DARS1: variants seen among roughly 807,000 people sequenced by gnomAD.
DARS1 encodes the protein aspartate--tRNA ligase, cytoplasmic.
Under a neutral mutation model 68.8 loss-of-function variants are expected in DARS1, and 51 were observed. The observed-to-expected ratio is 0.74, with a 90% CI of 0.59 to 0.94. DARS1 has a LOEUF of 0.94. Ranked by LOEUF, DARS1 falls within the 40% of genes least tolerant of loss-of-function variation. The pLI is 0.00. For synonymous variants in DARS1, 203 were observed against 190.4 expected (o/e 1.07, Z -0.55); for missense variants, 607 against 597.3 (o/e 1.02, Z -0.17).
chr2:135,931,247 TA>T (rs1376251843), intron 7 of DARS1, among the ~76,000 whole-genome samples: 1 of 152,228 alleles, frequency 6.6e-6, no homozygotes, highest in African/African-American at 2.4e-5. Context: ...GTTTATTTTT[TA>T]TTTGTTGAGA....
At chr2:135,923,192 C>T (rs1681141291) in intron 8 of DARS1, among the ~76,000 whole-genome samples, 1 of 151,910 alleles carries the variant, frequency 6.6e-6, no homozygotes, top group Non-Finnish European at 1.5e-5. Context: ...TATTAAAGCC[C>T]CTTTGGAGTT....
Position 135,967,875 on chromosome 2 carries a change from T to C in DARS1, c.218-6377A>G, listed in dbSNP as rs531565190. 3.3e-5 allele frequency among the ~76,000 whole-genome samples: 5 copies of C among 152,294 alleles called. No homozygotes were observed. The East Asian group carries it at 7.7e-4, about 23-fold the overall frequency. ...AACGATCCCAAGTAAGTCATATTTA[T>C]TGATATGATTTTTCGTACATAAGAT... On this transcript the variant is annotated intron_variant, in intron 3 of 15. Coordinates refer to ENST00000264161, the MANE Select transcript of DARS1 (RefSeq NM_001349.4).
chr2:135,911,097 T>C (rs539747288), intron 15 of DARS1, 42 bp downstream of exon 15: 2 of 856,414 alleles, frequency 2.3e-6, no homozygotes, highest in Non-Finnish European at 3.9e-6. Flanking sequence ...GTATTATACT[T>C]AGAACTTATG....
At chr2:135,908,062 G>T (rs144597289) in intron 15 of DARS1, among the ~76,000 whole-genome samples, 1 of 151,904 alleles carries the variant, frequency 6.6e-6, no homozygotes, top group Non-Finnish European at 1.5e-5. Context: ...TTCTCCATCC[G>T]GACTCATATT....
At position 135,979,369 on chromosome 2, in the gene DARS1, G is replaced by A; in HGVS notation, c.125-3C>T. The A allele has an allele frequency of 8.7e-7, 1 of 1,147,740 alleles. No individual in the cohort carries two copies. The highest frequency in any genetic ancestry group is 1.3e-6 in the Non-Finnish European group (1 of 762,556). The allele number at this position is 1,147,740 out of a possible 1,614,324, so 71.1% of individuals were successfully genotyped here. On this transcript the variant is annotated splice_polypyrimidine_tract_variant and splice_region_variant and intron_variant, in intron 2 of 15. Coordinates refer to ENST00000264161, the MANE Select transcript of DARS1 (RefSeq NM_001349.4). ...TCTAACCCGAACCAAAACTCGATCT[G>A]TAATAACAGTAAACGATTTTTATAT... is the stretch of plus-strand genomic sequence containing the variant.
intron 9 of DARS1, 99 bp downstream of exon 9, chr2:135,922,685 T>C: frequency 7.5e-7 from 1 of 1,331,510 alleles, no homozygotes; most frequent in Non-Finnish European, 9.6e-7. Flanking sequence ...TAATTTAAGC[T>C]TTCAAAGTGT....
At position 135,915,581 on chromosome 2, in the gene DARS1, C is replaced by A. The variant is rs147419932; in HGVS notation, c.1106+645G>T. Among the ~76,000 whole-genome samples the A allele has an allele frequency of 3.4e-3, 520 of 152,154 alleles. 2 individuals are homozygous for A. The highest frequency in any genetic ancestry group is 0.011 in the African/African-American group (475 of 41,512). On this transcript the variant is annotated intron_variant, in intron 11 of 15. Coordinates refer to ENST00000264161, the MANE Select transcript of DARS1 (RefSeq NM_001349.4). The stretch of plus-strand genomic sequence containing the variant: ...GGATTACAGGCATGAGCCACCATGC[C>A]CAGCCTCAATCTTTATTAAACTACA...
chr2:135,938,784 C>T (rs939286356), intron 5 of DARS1, among the ~76,000 whole-genome samples: 1 of 152,122 alleles, frequency 6.6e-6, no homozygotes, highest in African/African-American at 2.4e-5. Flanking sequence ...TGCAGAGACA[C>T]ACATTGGCTC....
In DARS1 at chr2:135,907,255, T is replaced by C; in HGVS notation, c.*61A>G. On this transcript the variant is annotated 3_prime_UTR_variant, in exon 16 of 16. Transcript: ENST00000264161. ...AAGTGTGGCTTTCTTTTTTTTTTTT[T>C]TTTTTTGAGGCAGGGTCTCGCTCTG... The C allele has an allele frequency of 5.5e-6, 5 of 905,330 alleles. No individual in the cohort carries two copies. The East Asian group carries it at 1.2e-4, about 22-fold the overall frequency. The allele number at this position is 905,330 out of a possible 1,614,324, so 56.1% of individuals were successfully genotyped here.
In DARS1 at chr2:135,910,371, T is replaced by C. The variant is rs563360317; in HGVS notation, c.1414+768A>G. Among the ~76,000 whole-genome samples, 17 of 152,264 alleles carry C rather than the reference T, an allele frequency of 1.1e-4. No homozygotes were observed. In the South Asian group the frequency reaches 1.4e-3, roughly 13 times the overall value. On this transcript the variant is annotated intron_variant, in intron 15 of 15. Transcript: ENST00000264161. Reference sequence around the variant, plus strand: ...TTTACTAACAGCCAGAGGTGTGAGATGGTTATCTCATTGAGGTTTTAATTT... The same window carrying C: ...TTTACTAACAGCCAGAGGTGTGAGACGGTTATCTCATTGAGGTTTTAATTT...
chr2:135,907,261 T>TTTTTTTTTTTTTTTGGGG lies in DARS1; in HGVS notation c.*54_*55insCCCCAAAAAAAAAAAAAA. ...GGCTTTCTTTTTTTTTTTTTTTTTT[T>TTTTTTTTTTTTTTTGGGG]GAGGCAGGGTCTCGCTCTGTCATCC... On this transcript the variant is annotated 3_prime_UTR_variant, in exon 16 of 16. Coordinates refer to ENST00000264161, the MANE Select transcript of DARS1 (RefSeq NM_001349.4). 2 of 889,238 alleles carry TTTTTTTTTTTTTTTGGGG rather than the reference T, an allele frequency of 2.2e-6. No homozygotes were observed. Among genetic ancestry groups the TTTTTTTTTTTTTTTGGGG allele is most frequent in the South Asian group, 1.8e-5 (1 of 56,438 alleles). The allele number at this position is 889,238 out of a possible 1,614,324, so 55.1% of individuals were successfully genotyped here.
At chr2:135,948,189 C>A (rs1194833850) in intron 4 of DARS1, among the ~76,000 whole-genome samples, 1 of 152,096 alleles carries the variant, frequency 6.6e-6, no homozygotes, top group Non-Finnish European at 1.5e-5. Context: ...AGATAAATAC[C>A]CTGTTCCAAC....
chr2:135,947,958 C>T (rs572865157), intron 4 of DARS1, among the ~76,000 whole-genome samples: 1 of 152,152 alleles, frequency 6.6e-6, no homozygotes, highest in Admixed American at 6.5e-5. Flanking sequence ...TTGTTGCCAA[C>T]CTTAGTAGAA....
chr2:135,982,772 A>C (rs993222450), intron 2 of DARS1, among the ~76,000 whole-genome samples: 3 of 152,154 alleles, frequency 2.0e-5, no homozygotes, highest in African/African-American at 7.2e-5. Context: ...TAGTACTGCC[A>C]AAGAAGCCAG....
chr2:135,961,287 T>G, intron 4 of DARS1, 109 bp downstream of exon 4: 1 of 673,934 alleles, frequency 1.5e-6, no homozygotes, highest in Non-Finnish European at 2.7e-6. Flanking sequence ...TAACTACATT[T>G]TTAAACAAAC....
At chr2:135,933,161 T>A (rs1160768306) in intron 6 of DARS1, among the ~76,000 whole-genome samples, 1 of 152,216 alleles carries the variant, frequency 6.6e-6, no homozygotes, top group Non-Finnish European at 1.5e-5. Flanking sequence ...GGATTTAACC[T>A]GCTAGCCCAA....
At chr2:135,946,549 A>G (rs777914701) in intron 4 of DARS1, among the ~76,000 whole-genome samples, 1 of 152,200 alleles carries the variant, frequency 6.6e-6, no homozygotes, top group Non-Finnish European at 1.5e-5. Context: ...CTTTCCCTCA[A>G]TGGGTAATCT....
At chr2:135,966,431 A>G (rs1278037258) in intron 3 of DARS1, among the ~76,000 whole-genome samples, 1 of 152,260 alleles carries the variant, frequency 6.6e-6, no homozygotes, top group Non-Finnish European at 1.5e-5. Flanking sequence ...GCTAAATATT[A>G]TTAATCTTTC....
At chr2:135,969,224 A>C (rs192372132) in intron 3 of DARS1, among the ~76,000 whole-genome samples, 13 of 152,254 alleles carry the variant, frequency 8.5e-5, no homozygotes, top group African/African-American at 3.1e-4. Flanking sequence ...AAACACTGTT[A>C]ATTATTTTAA....
Sources: gnomAD v4.1 joint callset for allele counts (sites outside exome capture counted in the v4.1 genomes callset) on GRCh38, gnomAD v4.1.1 for gene constraint, MANE v1.5 for transcripts, NCBI Gene and HGNC (gene_info 2026-07-23, HGNC 2026-07-21) for gene names.